The following AP2A2 variants were observed in gnomAD, a reference collection of about 807,000 sequenced individuals.
AP2A2 encodes the protein adaptor related protein complex 2 subunit alpha 2, also known as AP-2 complex subunit alpha-2.
AP2A2 carries 32 observed loss-of-function variants against 104.2 expected under a neutral mutation model. That is an observed-to-expected ratio of 0.31 (90% CI 0.23 to 0.41). The LOEUF is 0.41. Ranked by LOEUF, AP2A2 falls within the 10% of genes least tolerant of loss-of-function variation. The pLI is 1.00. For missense variants in AP2A2, 912 were observed against 1,261.0 expected (o/e 0.72, Z 4.19); for synonymous variants, 539 against 533.3 (o/e 1.01, Z -0.15).
chr11:979,656 G>A (rs1394429411), intron 5 of AP2A2, among the ~76,000 whole-genome samples: 2 of 152,154 alleles, frequency 1.3e-5, no homozygotes, highest in Non-Finnish European at 2.9e-5. Context: ...CTGCCTCCTG[G>A]GTTCAGGCGA....
chr11:994,156 A>G lies in AP2A2; in HGVS notation c.1867A>G (p.Thr623Ala). The change falls in exon 14 of 22, where the codon ACG (threonine) becomes GCG (alanine). Residue 623 changes from threonine to alanine, a missense_variant. By Grantham distance (58) the Thr-to-Ala change is moderately conservative. Transcript: ENST00000448903. The stretch of plus-strand genomic sequence containing the variant: ...GCTCAAGAAGAAGAAGGGCCCCAGC[A>G]CGGTGACAGACCTGGAGGACACCAA... ...AKLKKKKGPS[T>A]VTDLEDTKRD... 1.9e-6 allele frequency: 3 copies of G among 1,613,118 alleles called. No homozygotes were observed. Among genetic ancestry groups the G allele is most frequent in the Non-Finnish European group, 8.5e-7 (1 of 1,179,842 alleles).
At chr11:1,002,249 G>A (rs1446353911) in intron 15 of AP2A2, among the ~76,000 whole-genome samples, 4 of 152,228 alleles carry the variant, frequency 2.6e-5, no homozygotes, top group Non-Finnish European at 5.9e-5. Flanking sequence ...CGCGTGGAGT[G>A]CCCGCTGGCT....
At chr11:958,391 C>G (rs1854308565) in intron 1 of AP2A2, among the ~76,000 whole-genome samples, 1 of 152,170 alleles carries the variant, frequency 6.6e-6, no homozygotes, top group South Asian at 2.1e-4. Flanking sequence ...GACCTGTAGC[C>G]CTGACATTCC....
chr11:941,050 T>C (rs1171571658), intron 1 of AP2A2, among the ~76,000 whole-genome samples: 3 of 152,188 alleles, frequency 2.0e-5, no homozygotes, highest in African/African-American at 7.2e-5. Context: ...TTTTCCAGCT[T>C]GTCTTTTTCT....
intron 2 of AP2A2, among the ~76,000 whole-genome samples, chr11:962,326 C>A (rs7395267): frequency 0.51 from 77,083 of 152,198 alleles, 20,160 homozygotes; most frequent in Middle Eastern, 0.66. Flanking sequence ...GAAAAGAGTT[C>A]ATGGCCTTCA....
rs879057921 is a variant in AP2A2 at position 977,313 on chromosome 11, A to T, written c.603+89A>T. 5.4e-6 allele frequency: 8 copies of T among 1,487,372 alleles called. No homozygotes were observed. The South Asian group carries it at 8.2e-5, about 15-fold the overall frequency. The allele number at this position is 1,487,372 out of a possible 1,614,324, so 92.1% of individuals were successfully genotyped here. A position where few individuals can be genotyped will look rare whatever the true frequency, so the allele number is the denominator to read the frequency against. ...AGACACCATGGTGCGCCTTCTCGGG[A>T]TGCCCAGGAGAGGCTGTCACAGGGG... On this transcript the variant is annotated intron_variant, in intron 5 of 21. Transcript: ENST00000448903.
intron 1 of AP2A2, among the ~76,000 whole-genome samples, chr11:930,465 CT>C (rs981734378): frequency 1.3e-5 from 2 of 151,178 alleles, no homozygotes; most frequent in African/African-American, 4.9e-5. Context: ...TAAACTGTTT[CT>C]TTTTTTTTAA....
At position 993,357 on chromosome 11, in the gene AP2A2, T is replaced by C; in HGVS notation, c.1526T>C (p.Leu509Ser). The stretch of plus-strand genomic sequence containing the variant: ...TACATCCTGGGGGAGTTTGGAAACT[T>C]GATAGCTGGAGACCCGAGATCCAGG... The part of the protein sequence containing the change: ...GGYILGEFGN[L>S]IAGDPRSSPL... The change falls in exon 12 of 22, where the codon TTG (leucine) becomes TCG (serine). Residue 509 changes from leucine to serine, a missense_variant. Physicochemically the swap from Leu to Ser is moderately radical, Grantham distance 145 (BLOSUM62 -2). This residue lies in a region of AP2A2 where 137 missense variants were observed against 186.9 expected (regional missense o/e 0.73). Coordinates refer to ENST00000448903, the MANE Select transcript of AP2A2 (RefSeq NM_012305.4). This position sits in a 1 kb window ranked among gnomAD's most constrained non-coding sequence, Gnocchi z 8.2. 1 of 1,611,746 alleles carries C rather than the reference T, an allele frequency of 6.2e-7. No homozygotes were observed. Among genetic ancestry groups the C allele is most frequent in the Non-Finnish European group, 8.5e-7 (1 of 1,179,276 alleles).
At chr11:994,966 G>A (rs1340016635) in intron 14 of AP2A2, among the ~76,000 whole-genome samples, 3 of 139,930 alleles carry the variant, frequency 2.1e-5, no homozygotes, top group Admixed American at 1.4e-4. Flanking sequence ...GGCTTGTCCC[G>A]GGGGCCACTG....
intron 5 of AP2A2, among the ~76,000 whole-genome samples, chr11:978,849 G>T (rs1455929679): frequency 6.6e-6 from 1 of 152,198 alleles, no homozygotes; most frequent in Non-Finnish European, 1.5e-5. Context: ...GGGACCAGGT[G>T]GGTGAGGGTC....
intron 14 of AP2A2, among the ~76,000 whole-genome samples, chr11:997,569 C>T (rs1022181681): frequency 1.9e-4 from 29 of 152,182 alleles, no homozygotes; most frequent in African/African-American, 7.0e-4. Flanking sequence ...GTACAAATGC[C>T]TTTACTAGGG....
At chr11:959,158 C>T (rs1564793682) in intron 1 of AP2A2, among the ~76,000 whole-genome samples, 1 of 152,166 alleles carries the variant, frequency 6.6e-6, no homozygotes, top group Non-Finnish European at 1.5e-5. Context: ...GTGGAGCACC[C>T]CCTGGGTGCG....
intron 1 of AP2A2, among the ~76,000 whole-genome samples, chr11:950,529 C>G (rs139657439): frequency 6.6e-6 from 1 of 151,916 alleles, no homozygotes; most frequent in Admixed American, 6.6e-5. Context: ...AAACGCCATT[C>G]GCTTGCCTCG....
chr11:976,606 C>G (rs909353621), intron 4 of AP2A2, among the ~76,000 whole-genome samples: 1 of 151,116 alleles, frequency 6.6e-6, no homozygotes, highest in African/African-American at 2.4e-5. Context: ...CCCTTCCCAC[C>G]GTGTCTGTAG....
rs1201460094 is a variant in AP2A2, at chr11:1,000,648, C to T, written c.2123+50C>T. ...AGACAGGCACGGGGCTGCCGTGCCC[C>T]CTGACTTCTGGTGTGGCCGCGGCCA... On this transcript the variant is annotated intron_variant, in intron 15 of 21. Coordinates refer to ENST00000448903, the MANE Select transcript of AP2A2 (RefSeq NM_012305.4). 6 of 1,503,952 alleles carry T rather than the reference C, an allele frequency of 4.0e-6. No homozygotes were observed. In the South Asian group the frequency reaches 5.0e-5, roughly 12 times the overall value. The allele number at this position is 1,503,952 out of a possible 1,614,324, so 93.2% of individuals were successfully genotyped here.
At chr11:962,296 T>C (rs1349131777) in intron 2 of AP2A2, among the ~76,000 whole-genome samples, 2 of 152,262 alleles carry the variant, frequency 1.3e-5, no homozygotes, top group East Asian at 3.8e-4. Flanking sequence ...CCAGCCAGTG[T>C]GAATCCATTT....
At chr11:949,781 GA>G (rs59282675) in intron 1 of AP2A2, among the ~76,000 whole-genome samples, 41 of 141,540 alleles carry the variant, frequency 2.9e-4, no homozygotes, top group East Asian at 1.3e-3. Flanking sequence ...TCTCAAAAAA[GA>G]AAAAAAAAAA....
intron 1 of AP2A2, among the ~76,000 whole-genome samples, chr11:938,457 G>A (rs1853536098): frequency 6.6e-6 from 1 of 151,002 alleles, no homozygotes. Context: ...ATCGTCAACT[G>A]TATTCTCAAA....
intron 1 of AP2A2, among the ~76,000 whole-genome samples, chr11:934,979 C>T (rs571457865): frequency 2.6e-5 from 4 of 152,090 alleles, no homozygotes; most frequent in Admixed American, 2.6e-4. Flanking sequence ...CTGCCTCAGC[C>T]TCCGGAGTAG....
Sources: allele counts gnomAD v4.1 joint callset (sites outside exome capture counted in the v4.1 genomes callset), GRCh38; gene constraint gnomAD v4.1.1; regional missense constraint gnomAD v4.1.1; non-coding constraint Gnocchi (gnomAD v3.1); transcripts MANE v1.5; gene names NCBI Gene and HGNC (gene_info 2026-07-23, HGNC 2026-07-21).